APOBEC1: variants seen among roughly 807,000 people sequenced by gnomAD.
APOBEC1 encodes the protein C->U-editing enzyme APOBEC-1.
Under a neutral mutation model 26.3 loss-of-function variants are expected in APOBEC1, and 22 were observed. That is an observed-to-expected ratio of 0.84 (90% CI 0.60 to 1.19). APOBEC1 has a LOEUF of 1.19. APOBEC1 is among the 50% of genes most tolerant of loss of function. The pLI, the probability that APOBEC1 is intolerant of heterozygous loss-of-function variation, is 0.00. For missense variants in APOBEC1, 253 were observed against 289.0 expected, an observed-to-expected ratio of 0.88 and a Z score of 0.90; for synonymous variants, 77 against 95.3, an observed-to-expected ratio of 0.81 and a Z score of 1.12.
At chr12:7,649,829 G>C (rs776905912) in intron 4 of APOBEC1, 133 bp from the exon 5 acceptor site, 1 of 806,312 alleles carries the variant, frequency 1.2e-6, no homozygotes, top group South Asian at 1.9e-5. Context: ...TCCCAGACAG[G>C]GTCTGGTTCT....
rs1330550551 is a variant in APOBEC1, at chr12:7,659,338, T to TATATATAC, written c.17-4707_17-4706insGTATATAT. ...AAAAAAAAAAATATATATATATATA[T>TATATATAC]ATATATATATATGTTTATATTTGAA... On this transcript the variant is annotated intron_variant, in intron 1 of 4. Transcript: ENST00000229304. 4.3e-4 allele frequency among the ~76,000 whole-genome samples: 44 copies of TATATATAC among 101,484 alleles called. 1 individual carries two copies. Among genetic ancestry groups the TATATATAC allele is most frequent in the African/African-American group, 1.7e-3 (44 of 26,576 alleles). 66.6% of individuals were successfully genotyped at this position (101,484 alleles called of 152,430 possible).
chr12:7,663,491 G>T (rs773589104), intron 1 of APOBEC1, among the ~76,000 whole-genome samples: 2 of 152,146 alleles, frequency 1.3e-5, no homozygotes, highest in Admixed American at 6.6e-5. Context: ...TGGCTGGCAC[G>T]TTGGAATGAG....
chr12:7,658,958 GA>G (rs35834174), intron 1 of APOBEC1, among the ~76,000 whole-genome samples: 1,793 of 129,026 alleles, frequency 0.014, 36 homozygotes, highest in East Asian at 0.081. Flanking sequence ...CATGTCAAAA[GA>G]AAAAAAAAAA....
upstream of APOBEC1, among the ~76,000 whole-genome samples, chr12:7,668,610 A>G (rs928556700): frequency 6.6e-6 from 1 of 152,208 alleles, no homozygotes; most frequent in Non-Finnish European, 1.5e-5. Context: ...AAATGTAGCT[A>G]TTCAGTTTAA....
chr12:7,655,511 TA>T (rs911208585), intron 1 of APOBEC1, among the ~76,000 whole-genome samples: 267 of 139,512 alleles, frequency 1.9e-3, no homozygotes, highest in Middle Eastern at 3.7e-3. Flanking sequence ...CAAGACTCCT[TA>T]AAAAAAAAAA....
chr12:7,650,943 G>T, intron 4 of APOBEC1, 80 bp downstream of exon 4: 1 of 977,456 alleles, frequency 1.0e-6, no homozygotes, highest in Non-Finnish European at 1.6e-6. Context: ...AAGAAGATAT[G>T]AGTCAAATTT....
chr12:7,660,565 T>G (rs932400233), intron 1 of APOBEC1, among the ~76,000 whole-genome samples: 2 of 150,676 alleles, frequency 1.3e-5, no homozygotes, highest in African/African-American at 2.4e-5. Flanking sequence ...TAGCCAGGCA[T>G]GGTGGCCCAT....
intron 3 of APOBEC1, among the ~76,000 whole-genome samples, chr12:7,651,793 G>T (rs1276170434): frequency 6.7e-6 from 1 of 149,744 alleles, no homozygotes; most frequent in African/African-American, 2.5e-5. Flanking sequence ...ATGCCTGTCT[G>T]ATTTTTTTAT....
intron 1 of APOBEC1, among the ~76,000 whole-genome samples, chr12:7,655,745 T>C (rs1042906215): frequency 6.6e-6 from 1 of 152,044 alleles, no homozygotes; most frequent in African/African-American, 2.4e-5. Flanking sequence ...TCCCAGCTTT[T>C]TGAGATGCCA....
intron 2 of APOBEC1, among the ~76,000 whole-genome samples, chr12:7,653,651 C>A (rs990658583): frequency 1.3e-5 from 2 of 152,038 alleles, no homozygotes; most frequent in Non-Finnish European, 2.9e-5. Context: ...CTATTTTACA[C>A]CTAGAGGTGC....
At chr12:7,662,353 CG>C (rs1863832053) in intron 1 of APOBEC1, among the ~76,000 whole-genome samples, 2 of 151,946 alleles carry the variant, frequency 1.3e-5, no homozygotes, top group South Asian at 4.1e-4. Flanking sequence ...GAGGCCAAGG[CG>C]GGTGGATCAC....
At chr12:7,652,111 C>G (rs61936985) in intron 3 of APOBEC1, among the ~76,000 whole-genome samples, 1,620 of 152,220 alleles carry the variant, frequency 0.011, 13 homozygotes, top group South Asian at 0.019. Flanking sequence ...CGTGAGCCAC[C>G]GCACCTGGCC....
At chr12:7,661,081 C>T (rs1863812610) in intron 1 of APOBEC1, among the ~76,000 whole-genome samples, 1 of 150,472 alleles carries the variant, frequency 6.6e-6, no homozygotes, top group Non-Finnish European at 1.5e-5. Flanking sequence ...TGGCAGGCAC[C>T]TATAGTTCCA....
chr12:7,650,943 G>A, intron 4 of APOBEC1, 80 bp downstream of exon 4: 1 of 977,456 alleles, frequency 1.0e-6, no homozygotes, highest in Non-Finnish European at 1.6e-6. Context: ...AAGAAGATAT[G>A]AGTCAAATTT....
At chr12:7,659,322 A>AAATATATATAT (rs1555094633) in intron 1 of APOBEC1, among the ~76,000 whole-genome samples, 3 of 46,292 alleles carry the variant, frequency 6.5e-5, no homozygotes, top group African/African-American at 2.5e-4. Flanking sequence ...AAAAAAAAAA[A>AAATATATATAT]ATATATATAT....
chr12:7,660,363 G>A (rs55740464), intron 1 of APOBEC1, among the ~76,000 whole-genome samples: 166 of 6,686 alleles, frequency 0.025, 2 homozygotes, highest in Middle Eastern at 0.5. Flanking sequence ...AAGGAAGGAA[G>A]GAAGGAAGGA....
intron 2 of APOBEC1, among the ~76,000 whole-genome samples, chr12:7,653,706 C>A (rs73064640): frequency 9.1e-4 from 138 of 152,178 alleles, no homozygotes; most frequent in Non-Finnish European, 1.6e-3. Context: ...GGACTCTAAC[C>A]AGATTTTCTC....
At chr12:7,663,857 AT>A (rs556111132) in intron 1 of APOBEC1, among the ~76,000 whole-genome samples, 22,151 of 147,840 alleles carry the variant, frequency 0.15, 1,688 homozygotes, top group South Asian at 0.24. Flanking sequence ...TTAAAAAAGA[AT>A]TTTTTTTTTT....
rs1343057800 is a variant in APOBEC1, at chr12:7,651,148, A to G, written c.443-7T>C. The G allele has an allele frequency of 1.3e-6, 2 of 1,593,132 alleles. No individual in the cohort carries two copies. Among genetic ancestry groups the G allele is most frequent in the Non-Finnish European group, 1.7e-6 (2 of 1,161,180 alleles). On this transcript the variant is annotated splice_region_variant and splice_polypyrimidine_tract_variant and intron_variant, in intron 3 of 4. Transcript: ENST00000229304. Reference sequence around the variant, plus strand: ...CTCCAGCAGTGATAATACTCTAAGGAAACACAAATCTTGGCTCATTCAACA... The same window carrying G: ...CTCCAGCAGTGATAATACTCTAAGGGAACACAAATCTTGGCTCATTCAACA...
Sources: gnomAD v4.1 joint callset for allele counts (sites outside exome capture counted in the v4.1 genomes callset) on GRCh38, gnomAD v4.1.1 for gene constraint, MANE v1.5 for transcripts, NCBI Gene and HGNC (gene_info 2026-07-23, HGNC 2026-07-21) for gene names.